Variants in MYO9B observed in about 807,000 individuals in gnomAD.
The protein encoded by MYO9B is unconventional myosin-IXb.
A neutral mutation model predicts 229.5 loss-of-function variants in MYO9B; 71 were observed. That is an observed-to-expected ratio of 0.31 (90% CI 0.26 to 0.38). MYO9B has a LOEUF of 0.38. MYO9B is among the 10% of genes least tolerant of loss of function. The pLI is 1.00. For missense variants in MYO9B, 2,255 were observed against 2,920.5 expected, an observed-to-expected ratio of 0.77 and a Z score of 5.25; for synonymous variants, 1,185 against 1,235.8, an observed-to-expected ratio of 0.96 and a Z score of 0.86.
chr19:17,112,801 C>G (rs1171190899), intron 2 of MYO9B, among the ~76,000 whole-genome samples: 4 of 152,212 alleles, frequency 2.6e-5, no homozygotes, highest in Non-Finnish European at 5.9e-5. Flanking sequence ...GGGTCAGGGA[C>G]AGACAGCAAG....
At chr19:17,180,855 C>T (rs887162419) in intron 14 of MYO9B, 72 bp from the exon 15 acceptor site, 12 of 1,051,962 alleles carry the variant, frequency 1.1e-5, no homozygotes, top group Non-Finnish European at 1.7e-5. Context: ...GCGCTGGGAA[C>T]CCCGAGGTGG....
chr19:17,145,511 C>G lies in MYO9B; in HGVS notation c.935+20C>G, dbSNP rs1285006183. On this transcript the variant is annotated intron_variant, in intron 3 of 39. Coordinates refer to ENST00000682292, the MANE Select transcript of MYO9B (RefSeq NM_004145.4). ...GAGAGGGTGAGGTGTCCCTGGGGTC[C>G]CCACTGGTGGGAGCTGGCCCCACGC... is the stretch of plus-strand genomic sequence containing the variant. 1 of 1,605,262 alleles carries G rather than the reference C, an allele frequency of 6.2e-7. No individual in the cohort carries two copies. The highest frequency in any genetic ancestry group is 8.5e-7 in the Non-Finnish European group (1 of 1,172,066).
chr19:17,197,410 A>AGATC (rs2073055765), intron 22 of MYO9B, among the ~76,000 whole-genome samples: 1 of 57,498 alleles, frequency 1.7e-5, no homozygotes, highest in Non-Finnish European at 4.0e-5. Flanking sequence ...GATAGATGAT[A>AGATC]GATAGATAGA....
At chr19:17,150,499 C>A (rs2072465372) in intron 3 of MYO9B, among the ~76,000 whole-genome samples, 1 of 152,160 alleles carries the variant, frequency 6.6e-6, no homozygotes, top group African/African-American at 2.4e-5. Flanking sequence ...CCCTGCCACT[C>A]CTTGGGCACC....
intron 33 of MYO9B, 46 bp from the exon 34 acceptor site, chr19:17,206,633 T>C (rs2073165293): frequency 3.3e-6 from 5 of 1,505,670 alleles, no homozygotes; most frequent in Non-Finnish European, 4.5e-6. Context: ...AACAGGCACC[T>C]TGGGGACCCT....
At chr19:17,210,234 G>A in intron 36 of MYO9B, 99 bp from the exon 37 acceptor site, 1 of 1,266,912 alleles carries the variant, frequency 7.9e-7, no homozygotes, top group East Asian at 2.6e-5. Context: ...GTGGGAACCA[G>A]GGACCCCCTA....
At chr19:17,202,967 A>G in intron 29 of MYO9B, 84 bp downstream of exon 29, 1 of 1,510,994 alleles carries the variant, frequency 6.6e-7, no homozygotes, top group Non-Finnish European at 9.0e-7. Flanking sequence ...CAATGTGCGC[A>G]TGGGCCCGTC....
chr19:17,137,957 T>G (rs1258335957), intron 2 of MYO9B, among the ~76,000 whole-genome samples: 3 of 151,704 alleles, frequency 2.0e-5, no homozygotes, highest in African/African-American at 7.3e-5. Context: ...AACGTGCAGT[T>G]TCGTTACATA....
chr19:17,140,155 C>A (rs896742924), intron 2 of MYO9B, among the ~76,000 whole-genome samples: 1 of 152,084 alleles, frequency 6.6e-6, no homozygotes, highest in Non-Finnish European at 1.5e-5. Flanking sequence ...CTTATGGGAC[C>A]ACCGTCATAT....
Position 17,172,566 on chromosome 19 carries a change from A to G in MYO9B, c.1935+89A>G, listed in dbSNP as rs2145361293. 1 of 1,553,372 alleles carries G rather than the reference A, an allele frequency of 6.4e-7. No homozygotes were observed. The highest frequency in any genetic ancestry group is 1.8e-4 in the Middle Eastern group (1 of 5,530). On this transcript the variant is annotated intron_variant, in intron 12 of 39. Transcript: ENST00000682292. The surrounding 1 kb of genome is among the most constrained non-coding windows in gnomAD (Gnocchi z 8.2). ...ATGTGGGAGGATCCTCCTGTGGGCGAGGTTCCAGGGTGCTCAGAACCCACC... is the reference window on the plus strand; with the variant it reads ...ATGTGGGAGGATCCTCCTGTGGGCGGGGTTCCAGGGTGCTCAGAACCCACC...
intron 30 of MYO9B, among the ~76,000 whole-genome samples, chr19:17,203,643 G>A (rs1030081080): frequency 6.8e-6 from 1 of 146,742 alleles, no homozygotes; most frequent in Non-Finnish European, 1.5e-5. Context: ...CTTCACCCCA[G>A]CCCAGCCACC....
At position 17,162,974 on chromosome 19, in the gene MYO9B, T is replaced by C. The variant is rs369495562; in HGVS notation, c.1537-14T>C. On this transcript the variant is annotated splice_polypyrimidine_tract_variant and intron_variant, in intron 9 of 39. Transcript: ENST00000682292. ...GCACCTGCGGGCAGTGACCATTTTC[T>C]CTGTCTCTCCCAGTGCCTGTCCATT... 8.1e-6 allele frequency: 13 copies of C among 1,607,228 alleles called. No homozygotes were observed. The highest frequency in any genetic ancestry group is 3.4e-5 in the South Asian group (3 of 89,422).
At position 17,126,667 on chromosome 19, in the gene MYO9B, CT is replaced by C. The variant is rs1555695751; in HGVS notation, c.841-18715del. Among the ~76,000 whole-genome samples the C allele has an allele frequency of 9.4e-3, 1,274 of 135,164 alleles. 5 individuals carry two copies. Among genetic ancestry groups the C allele is most frequent in the African/African-American group, 0.029 (1,078 of 36,870 alleles). The allele number at this position is 135,164 out of a possible 152,430, so 88.7% of individuals were successfully genotyped here. A position where few individuals can be genotyped will look rare whatever the true frequency, so the allele number is the denominator to read the frequency against. The stretch of plus-strand genomic sequence containing the variant: ...AAGAGATCTTTTGACTTTTTTTTTT[CT>C]TTTTTTTTTTTTTTGAGACGGAGTC... On this transcript the variant is annotated intron_variant, in intron 2 of 39. Coordinates refer to ENST00000682292, the MANE Select transcript of MYO9B (RefSeq NM_004145.4).
chr19:17,159,517 G>T (rs767351802), intron 8 of MYO9B, 33 bp downstream of exon 8: 14 of 1,573,606 alleles, frequency 8.9e-6, no homozygotes, highest in Non-Finnish European at 1.2e-5. Flanking sequence ...CAGGGTGCCA[G>T]ATCCCAAAAA....
intron 8 of MYO9B, among the ~76,000 whole-genome samples, chr19:17,161,145 G>A (rs892530517): frequency 7.9e-5 from 12 of 152,266 alleles, no homozygotes; most frequent in East Asian, 3.9e-4. Context: ...TGGTGCACCC[G>A]GAAGAACAAG....
At chr19:17,181,082 G>C in intron 15 of MYO9B, 42 bp downstream of exon 15, 1 of 1,408,776 alleles carries the variant, frequency 7.1e-7, no homozygotes, top group East Asian at 2.3e-5. Context: ...TGCGACAACC[G>C]CCTCCCACTA....
intron 20 of MYO9B, among the ~76,000 whole-genome samples, chr19:17,191,524 C>T (rs143604687): frequency 6.2e-4 from 95 of 152,258 alleles, no homozygotes; most frequent in African/African-American, 2.2e-3. Context: ...GTCCCCTTTA[C>T]GGTATGAGGC....
chr19:17,115,637 T>A (rs901693932), intron 2 of MYO9B, among the ~76,000 whole-genome samples: 3 of 151,556 alleles, frequency 2.0e-5, no homozygotes, highest in Non-Finnish European at 1.5e-5. Context: ...CCTGGCTAAT[T>A]TTTGTATTTT....
intron 20 of MYO9B, among the ~76,000 whole-genome samples, chr19:17,191,427 C>T (rs1271495917): frequency 6.6e-6 from 1 of 152,112 alleles, no homozygotes; most frequent in African/African-American, 2.4e-5. Context: ...CAGGGCTCAG[C>T]GACTCCCTCC....
Sources: gnomAD v4.1 joint callset for allele counts (sites outside exome capture counted in the v4.1 genomes callset) on GRCh38, gnomAD v4.1.1 for gene constraint, Gnocchi (gnomAD v3.1) non-coding constraint, MANE v1.5 for transcripts, NCBI Gene and HGNC (gene_info 2026-07-23, HGNC 2026-07-21) for gene names.